NCAPD3: variants seen among roughly 807,000 people sequenced by gnomAD.
NCAPD3 encodes condensin-2 complex subunit D3.
NCAPD3 carries 105 observed loss-of-function variants against 182.9 expected under a neutral mutation model. That is an observed-to-expected ratio of 0.57 (90% CI 0.49 to 0.68). The LOEUF (loss-of-function observed/expected upper bound fraction) is 0.68, where lower values mean the gene tolerates loss of function less well. Among genes scored for constraint, NCAPD3 ranks in the 30% least tolerant of loss-of-function variants. The pLI, the probability that NCAPD3 is intolerant of heterozygous loss-of-function variation, is 0.00. For missense variants in NCAPD3, 1,944 were observed against 1,837.0 expected, an observed-to-expected ratio of 1.06 and a Z score of -1.07; for synonymous variants, 815 against 679.9, an observed-to-expected ratio of 1.20 and a Z score of -3.09.
At chr11:134,221,630 T>G (rs191825860) in intron 1 of NCAPD3, among the ~76,000 whole-genome samples, 19 of 152,342 alleles carry the variant, frequency 1.2e-4, no homozygotes, top group African/African-American at 4.1e-4. Flanking sequence ...AATGTGGACA[T>G]CTCAAATTAT....
chr11:134,168,835 T>A (rs949007672), intron 25 of NCAPD3, 82 bp downstream of exon 25: 4 of 1,516,508 alleles, frequency 2.6e-6, no homozygotes, highest in Admixed American at 3.9e-5. Flanking sequence ...GTCCAATCAC[T>A]ACATGCAAAG....
intron 24 of NCAPD3, among the ~76,000 whole-genome samples, chr11:134,175,281 T>A (rs534496511): frequency 6.6e-6 from 1 of 152,194 alleles, no homozygotes; most frequent in African/African-American, 2.4e-5. Context: ...CCTGTCTGAT[T>A]ACACCTTCTC....
intron 24 of NCAPD3, among the ~76,000 whole-genome samples, chr11:134,174,661 C>T (rs1944115951): frequency 6.6e-6 from 1 of 151,996 alleles, no homozygotes; most frequent in South Asian, 2.1e-4. Flanking sequence ...GGAAAATGCT[C>T]AACAGCACTG....
intron 16 of NCAPD3, among the ~76,000 whole-genome samples, chr11:134,187,403 G>A (rs1944432551): frequency 6.6e-6 from 1 of 152,178 alleles, no homozygotes; most frequent in Non-Finnish European, 1.5e-5. Flanking sequence ...CAACTGAGGT[G>A]TGACAAAGCA....
Position 134,204,762 on chromosome 11 carries a change from C to T in NCAPD3, c.1089+137G>A. On this transcript the variant is annotated intron_variant, in intron 9 of 34. Transcript: ENST00000534548. This position sits in a 1 kb window ranked among gnomAD's most constrained non-coding sequence, Gnocchi z 4.3. Reference sequence around the variant, plus strand: ...TTTGTCTAGGGGACCATCTAGTGAACATTAAATAAAACCACTTTAAGTAAC... The same window carrying T: ...TTTGTCTAGGGGACCATCTAGTGAATATTAAATAAAACCACTTTAAGTAAC... 1.5e-6 allele frequency: 1 copy of T among 658,980 alleles called. No homozygotes were observed. Among genetic ancestry groups the T allele is most frequent in the South Asian group, 2.5e-5 (1 of 39,688 alleles). 40.8% of individuals were successfully genotyped at this position (658,980 alleles called of 1,614,324 possible). A position where few individuals can be genotyped will look rare whatever the true frequency, so the allele number is the denominator to read the frequency against.
At chr11:134,220,354 A>G (rs1938180878) in intron 2 of NCAPD3, among the ~76,000 whole-genome samples, 2 of 151,824 alleles carry the variant, frequency 1.3e-5, no homozygotes, top group Admixed American at 6.6e-5. Context: ...ATTGTAAAAA[A>G]CAGTCGTGTC....
chr11:134,200,125 G>T (rs893898335), intron 13 of NCAPD3, among the ~76,000 whole-genome samples: 1 of 152,092 alleles, frequency 6.6e-6, no homozygotes, highest in East Asian at 1.9e-4. Context: ...CTAAATGTGA[G>T]AGCTAAAACT....
In NCAPD3 at chr11:134,161,792, G is replaced by A. The variant is rs1275866408; in HGVS notation, c.3673C>T (p.His1225Tyr). 6.4e-7 allele frequency: 1 copy of A among 1,560,774 alleles called. No individual in the cohort carries two copies. Among genetic ancestry groups the A allele is most frequent in the Non-Finnish European group, 8.8e-7 (1 of 1,135,056 alleles). The change falls in exon 28 of 35, where the codon CAC becomes TAC. Residue 1225 changes from histidine to tyrosine, a missense_variant. This residue lies in a region of NCAPD3 where 1,803 missense variants were observed against 1,674.6 expected (regional missense o/e 1.08). Transcript: ENST00000534548. ...NKIPALRELM[H>Y]YLREVMQDYR... Reference sequence around the variant, plus strand: ...GGCTCCACCCTTACCCTGAGATAGTGCATGAGTTCCCGCAAAGCTGGGATC... The same window carrying A: ...GGCTCCACCCTTACCCTGAGATAGTACATGAGTTCCCGCAAAGCTGGGATC...
intron 29 of NCAPD3, among the ~76,000 whole-genome samples, chr11:134,158,760 G>C (rs761443497): frequency 3.3e-5 from 5 of 152,048 alleles, no homozygotes; most frequent in Non-Finnish European, 5.9e-5. Context: ...CTGAATACTA[G>C]AACTTATTTC....
intron 19 of NCAPD3, chr11:134,182,974 G>T (rs1022511707): frequency 5.2e-6 from 2 of 381,532 alleles, no homozygotes; most frequent in Admixed American, 6.5e-5. Context: ...TGCTAATGCA[G>T]TAGTAAGCCC....
Position 134,194,664 on chromosome 11 carries a change from C to T in NCAPD3, c.1689+1G>A, listed in dbSNP as rs1287581416. ...AAAAAATGTGCAGAGAAAACTCCCA[C>T]CTGCAGTGCAGACTTCCTAACGTTG... On this transcript the variant is annotated splice_donor_variant, in intron 14 of 34. Coordinates refer to ENST00000534548, the MANE Select transcript of NCAPD3 (RefSeq NM_015261.3). LOFTEE classifies it high-confidence loss of function. The T allele has an allele frequency of 1.3e-6, 2 of 1,583,184 alleles. No individual in the cohort carries two copies. Among genetic ancestry groups the T allele is most frequent in the African/African-American group, 1.4e-5 (1 of 72,826 alleles).
intron 27 of NCAPD3, among the ~76,000 whole-genome samples, chr11:134,165,731 G>A (rs1943762046): frequency 6.9e-6 from 1 of 144,072 alleles, no homozygotes; most frequent in African/African-American, 2.6e-5. Flanking sequence ...TGAGCTTAGG[G>A]GAGCTGCACA....
Position 134,152,358 on chromosome 11 carries a change from A to T in NCAPD3, c.*586T>A, listed in dbSNP as rs1189723507. 1 of 151,936 alleles carries T rather than the reference A, an allele frequency of 6.6e-6. No individual in the cohort carries two copies. Among genetic ancestry groups the T allele is most frequent in the East Asian group, 2.0e-4 (1 of 5,020 alleles). The allele number at this position is 151,936 out of a possible 1,614,324, so 9.4% of individuals were successfully genotyped here. A position where few individuals can be genotyped will look rare whatever the true frequency, so the allele number is the denominator to read the frequency against. On this transcript the variant is annotated 3_prime_UTR_variant, in exon 35 of 35. Transcript: ENST00000534548. ...AAGATTTGGTTTCATTCCTCTAACAAACAAACATGCTTTATGTAAAATTAA... is the reference window on the plus strand; with the variant it reads ...AAGATTTGGTTTCATTCCTCTAACATACAAACATGCTTTATGTAAAATTAA...
intron 3 of NCAPD3, among the ~76,000 whole-genome samples, chr11:134,214,274 G>A (rs1356993021): frequency 6.6e-6 from 1 of 152,030 alleles, no homozygotes; most frequent in East Asian, 1.9e-4. Context: ...TTTCAGGAAA[G>A]TTCAAATATT....
At chr11:134,168,744 G>T in intron 25 of NCAPD3, 142 bp from the exon 26 acceptor site, 1 of 1,365,572 alleles carries the variant, frequency 7.3e-7, no homozygotes, top group Non-Finnish European at 1.0e-6. Flanking sequence ...CACAGGCGCT[G>T]CCCTTAGGAA....
chr11:134,168,754 A>G (rs1312111102), intron 25 of NCAPD3, 152 bp from the exon 26 acceptor site: 4 of 1,377,038 alleles, frequency 2.9e-6, no homozygotes, highest in African/African-American at 1.5e-5. Flanking sequence ...GCCCTTAGGA[A>G]GCGATTCTCA....
intron 13 of NCAPD3, among the ~76,000 whole-genome samples, chr11:134,199,866 A>T (rs993895474): frequency 5.9e-5 from 9 of 152,238 alleles, no homozygotes; most frequent in African/African-American, 2.2e-4. Context: ...AATGTGGTAC[A>T]TAAAGACAGA....
At position 134,155,216 on chromosome 11, in the gene NCAPD3, T is replaced by C. The variant is rs117530549; in HGVS notation, c.4252+1802A>G. On this transcript the variant is annotated intron_variant, in intron 32 of 34. Transcript: ENST00000534548. ...TTTCATTTCCATTTAGCAAAGCCAC[T>C]GTGAATTGGTGCTGAACTGGGTGGC... is the stretch of plus-strand genomic sequence containing the variant. Among the ~76,000 whole-genome samples, 1,483 of 152,304 alleles carry C rather than the reference T, an allele frequency of 9.7e-3. 17 individuals are homozygous for C. The highest frequency in any genetic ancestry group is 0.017 in the Non-Finnish European group (1,123 of 68,028).
rs143158496 is a variant in NCAPD3 at position 134,168,081 on chromosome 11, G to A, written c.3488C>T (p.Pro1163Leu). 1.1e-4 allele frequency: 175 copies of A among 1,614,160 alleles called. No homozygotes were observed. The East Asian group carries it at 2.1e-3, about 19-fold the overall frequency. The change falls in exon 27 of 35, where the codon CCA becomes CTA. Residue 1163 changes from proline to leucine, a missense_variant. Around this residue, in one of 3 missense-constraint regions of NCAPD3, gnomAD observed 1,803 missense variants for 1,674.6 expected, o/e 1.08. Transcript: ENST00000534548. ...EIKLLAMRSK[P>L]DKDLLMEEDD... is the part of the protein sequence containing the mutation. ...TTCTTCCATAAGGAGGTCTTTGTCT[G>A]GTTTAGATCTCATTGCCAAAAGCTT...
Sources: allele counts gnomAD v4.1 joint callset (sites outside exome capture counted in the v4.1 genomes callset), GRCh38; gene constraint gnomAD v4.1.1; regional missense constraint gnomAD v4.1.1; non-coding constraint Gnocchi (gnomAD v3.1); transcripts MANE v1.5; gene names NCBI Gene and HGNC (gene_info 2026-07-23, HGNC 2026-07-21).